BLTP3B: variants seen among roughly 807,000 people sequenced by gnomAD.
BLTP3B encodes the protein bridge-like lipid transfer protein family member 3B, also known as UHRF1 (ICBP90) binding protein 1-like.
chr12:100,095,669 G>A, the BLTP3B span: 1 of 1,606,920 alleles, frequency 6.2e-7, no homozygotes, highest in African/African-American at 1.3e-5. Context: ...TAGCTTACCT[G>A]TGTAGGTTCA....
the BLTP3B span, among the ~76,000 whole-genome samples, chr12:100,038,089 T>C: frequency 6.6e-6 from 1 of 152,236 alleles, no homozygotes; most frequent in Non-Finnish European, 1.5e-5. Context: ...CTCCTTTTTC[T>C]GGCTTTTATG....
At chr12:100,099,614 A>G in the BLTP3B span, among the ~76,000 whole-genome samples, 1 of 150,988 alleles carries the variant, frequency 6.6e-6, no homozygotes, top group Non-Finnish European at 1.5e-5. Flanking sequence ...GAGCATGGTA[A>G]CACTTGCCTG....
chr12:100,064,946 T>C, the BLTP3B span, among the ~76,000 whole-genome samples: 1 of 148,770 alleles, frequency 6.7e-6, no homozygotes, highest in Non-Finnish European at 1.5e-5. Context: ...ATGAATGGAA[T>C]GGTACCTCAC....
At chr12:100,104,884 CAAAAAAAAAAAAA>C in the BLTP3B span, among the ~76,000 whole-genome samples, 1,895 of 66,314 alleles carry the variant, frequency 0.029, 35 homozygotes, top group Non-Finnish European at 0.037. Context: ...ACTGCTACTA[CAAAAAAAAAAAAA>C]AAAAAAAAAA....
chr12:100,050,074 T>C, the BLTP3B span: 1 of 1,217,164 alleles, frequency 8.2e-7, no homozygotes, highest in South Asian at 2.2e-5. Flanking sequence ...TTGAATTCAA[T>C]TATAGCCAAG....
At chr12:100,097,280 T>G in the BLTP3B span, 7 of 1,362,764 alleles carry the variant, frequency 5.1e-6, no homozygotes, top group Non-Finnish European at 6.9e-6. Context: ...AAATTTCCTA[T>G]AGTTAACTAA....
the BLTP3B span, among the ~76,000 whole-genome samples, chr12:100,126,060 G>C: frequency 6.6e-6 from 1 of 152,158 alleles, no homozygotes. Flanking sequence ...GAGCCCAGGG[G>C]TTTGAGAACA....
the BLTP3B span, among the ~76,000 whole-genome samples, chr12:100,068,804 C>A: frequency 6.6e-6 from 1 of 152,166 alleles, no homozygotes; most frequent in Admixed American, 6.5e-5. Flanking sequence ...GCGATATCAC[C>A]ATTCTCACTT....
chr12:100,039,536 G>A, the BLTP3B span: 11 of 1,431,676 alleles, frequency 7.7e-6, no homozygotes, highest in South Asian at 5.3e-5. Context: ...TTAACTATTA[G>A]TATCTTAATA....
the BLTP3B span, among the ~76,000 whole-genome samples, chr12:100,131,939 G>A: frequency 2.5e-3 from 375 of 152,184 alleles, 2 homozygotes; most frequent in African/African-American, 8.3e-3. Flanking sequence ...ACAGGCATGC[G>A]CCACCATGCC....
the BLTP3B span, among the ~76,000 whole-genome samples, chr12:100,075,869 T>C: frequency 2.6e-5 from 4 of 152,058 alleles, no homozygotes; most frequent in Admixed American, 2.0e-4. Context: ...GCTGCAGTAC[T>C]GCATGTTCTG....
At chr12:100,085,252 T>C in the BLTP3B span, among the ~76,000 whole-genome samples, 3 of 151,792 alleles carry the variant, frequency 2.0e-5, no homozygotes, top group Non-Finnish European at 4.4e-5. Context: ...GTGGCTCACA[T>C]CTGTAATCAA....
At chr12:100,069,703 A>C in the BLTP3B span, among the ~76,000 whole-genome samples, 1 of 151,976 alleles carries the variant, frequency 6.6e-6, no homozygotes, top group Non-Finnish European at 1.5e-5. Context: ...TTGAGGACTC[A>C]GGGGGAAAGG....
At chr12:100,134,325 C>T in the BLTP3B span, among the ~76,000 whole-genome samples, 3 of 152,150 alleles carry the variant, frequency 2.0e-5, no homozygotes, top group East Asian at 5.8e-4. Context: ...AACATTTGGG[C>T]TGGGCGCAGT....
chr12:100,040,268 T>G, the BLTP3B span, among the ~76,000 whole-genome samples: 1 of 152,192 alleles, frequency 6.6e-6, no homozygotes, highest in African/African-American at 2.4e-5. Flanking sequence ...CAGTGGCTCA[T>G]GTCTGTAATC....
At chr12:100,141,916 A>T in the BLTP3B span, among the ~76,000 whole-genome samples, 1 of 152,068 alleles carries the variant, frequency 6.6e-6, no homozygotes, top group Middle Eastern at 3.4e-3. Flanking sequence ...GAGGAAAAAG[A>T]GCAAAAACCA....
chr12:100,125,531 T>C, the BLTP3B span, among the ~76,000 whole-genome samples: 1 of 151,922 alleles, frequency 6.6e-6, no homozygotes, highest in South Asian at 2.1e-4. Flanking sequence ...ACCTGTGGTC[T>C]CAACTACTTG....
At chr12:100,099,184 A>C in the BLTP3B span, among the ~76,000 whole-genome samples, 1 of 151,476 alleles carries the variant, frequency 6.6e-6, no homozygotes, top group Non-Finnish European at 1.5e-5. Flanking sequence ...AGTAGAGATC[A>C]GGTTTCACCA....
At chr12:100,089,081 G>A in the BLTP3B span, 22 of 1,597,532 alleles carry the variant, frequency 1.4e-5, no homozygotes, top group East Asian at 4.5e-5. Flanking sequence ...GGGCAGATGC[G>A]ACTACTGTAG....
Sources: gnomAD v4.1 joint callset for allele counts (sites outside exome capture counted in the v4.1 genomes callset) on GRCh38, gnomAD v4.1.1 for gene constraint, MANE v1.5 for transcripts, NCBI Gene and HGNC (gene_info 2026-07-23, HGNC 2026-07-21) for gene names.